EFTUD2: variants seen among roughly 807,000 people sequenced by gnomAD.
The protein encoded by EFTUD2 is elongation factor Tu GTP binding domain containing 2, also known as 116 kDa U5 small nuclear ribonucleoprotein component.
Under a neutral mutation model 114.3 loss-of-function variants are expected in EFTUD2, and 9 were observed. The observed-to-expected ratio is 0.08, with a 90% CI of 0.05 to 0.14. The LOEUF (loss-of-function observed/expected upper bound fraction) is 0.14, where lower values mean the gene tolerates loss of function less well. Ranked by LOEUF, EFTUD2 falls within the 10% of genes least tolerant of loss-of-function variation. EFTUD2 has a pLI of 1.00. For synonymous variants in EFTUD2, 449 were observed against 462.3 expected (o/e 0.97, Z 0.37); for missense variants, 765 against 1,241.2 (o/e 0.62, Z 5.76).
At chr17:44,872,340 T>C in intron 11 of EFTUD2, 106 bp downstream of exon 11, 1 of 1,448,728 alleles carries the variant, frequency 6.9e-7, no homozygotes, top group Non-Finnish European at 9.5e-7. Context: ...GATAAAATGT[T>C]CCCCCAGCAG....
chr17:44,897,552 G>A (rs2051412607), intron 1 of EFTUD2, among the ~76,000 whole-genome samples: 1 of 152,060 alleles, frequency 6.6e-6, no homozygotes, highest in Admixed American at 6.6e-5. Context: ...AGCTAAGAAT[G>A]CATTTTACAT....
In EFTUD2 at chr17:44,894,136, G is replaced by A. The variant is rs558589199; in HGVS notation, c.105+281C>T. On this transcript the variant is annotated intron_variant, in intron 2 of 27. Coordinates refer to ENST00000426333, the MANE Select transcript of EFTUD2 (RefSeq NM_004247.4). ...CATGCCTGTAATCCTAGCAGTTTGGGAGGCCAAGGCAGGTGGACTGCTCGA... is the reference window on the plus strand; with the variant it reads ...CATGCCTGTAATCCTAGCAGTTTGGAAGGCCAAGGCAGGTGGACTGCTCGA... 12 of 313,174 alleles carry A rather than the reference G, an allele frequency of 3.8e-5. No homozygotes were observed. The South Asian group carries it at 5.5e-4, about 14-fold the overall frequency. The allele number at this position is 313,174 out of a possible 1,614,324, so 19.4% of individuals were successfully genotyped here. A position where few individuals can be genotyped will look rare whatever the true frequency, so the allele number is the denominator to read the frequency against.
At chr17:44,853,197 G>A in intron 25 of EFTUD2, 99 bp downstream of exon 25, 3 of 1,252,460 alleles carry the variant, frequency 2.4e-6, no homozygotes, top group Non-Finnish European at 2.3e-6. Flanking sequence ...AGAGAGAGGA[G>A]GGTAGAGAAG....
rs1280081797 is a variant in EFTUD2, at chr17:44,880,598, T to C, written c.575A>G (p.Asp192Gly). The C allele has an allele frequency of 3.1e-6, 5 of 1,613,740 alleles. No individual in the cohort carries two copies. The highest frequency in any genetic ancestry group is 4.2e-6 in the Non-Finnish European group (5 of 1,179,774). ...KSTPVTVVLP[D>G]TKGKSYLFNI... Reference sequence around the variant, plus strand: ...GAAGAGATAAGATTTTCCTTTGGTGTCTGGCAAGACCACTGTCACAGGAGT... The same window carrying C: ...GAAGAGATAAGATTTTCCTTTGGTGCCTGGCAAGACCACTGTCACAGGAGT... The change falls in exon 8 of 28, where the codon GAC becomes GGC. Residue 192 changes from aspartate (D) to glycine (G), a missense_variant. Transcript: ENST00000426333.
intron 2 of EFTUD2, among the ~76,000 whole-genome samples, chr17:44,888,434 G>C (rs775004044): frequency 6.6e-6 from 1 of 152,154 alleles, no homozygotes. Flanking sequence ...CAGGGGTTTG[G>C]AGCAGAGAAG....
intron 9 of EFTUD2, among the ~76,000 whole-genome samples, chr17:44,878,704 G>A (rs999865771): frequency 6.6e-6 from 1 of 152,310 alleles, no homozygotes; most frequent in African/African-American, 2.4e-5. Flanking sequence ...AACGTGTACA[G>A]AGAGAGAATT....
intron 13 of EFTUD2, among the ~76,000 whole-genome samples, chr17:44,867,361 G>A (rs1487785435): frequency 6.8e-6 from 1 of 147,316 alleles, no homozygotes; most frequent in Non-Finnish European, 1.5e-5. Context: ...GTGCAGTGGT[G>A]CAATCTCGGC....
chr17:44,864,755 T>C (rs1167852952), intron 14 of EFTUD2, among the ~76,000 whole-genome samples, 175 bp downstream of exon 14: 1 of 152,220 alleles, frequency 6.6e-6, no homozygotes, highest in African/African-American at 2.4e-5. Flanking sequence ...ATGTGTGCCA[T>C]CATCCACTAA....
intron 11 of EFTUD2, among the ~76,000 whole-genome samples, chr17:44,869,134 GT>G (rs912602223): frequency 6.6e-6 from 1 of 152,096 alleles, no homozygotes; most frequent in African/African-American, 2.4e-5. Flanking sequence ...CATCAGTAAG[GT>G]TACCACCAAA....
Position 44,851,815 on chromosome 17 carries a change from A to G in EFTUD2, c.2718T>C (p.Ile906=). The change falls in exon 27 of 28, where the codon ATT becomes ATC. Residue 906 remains isoleucine (I), a splice_region_variant and synonymous_variant. Coordinates refer to ENST00000426333, the MANE Select transcript of EFTUD2 (RefSeq NM_004247.4). ...TCTTGTCCAGGGGATCACCAGGCAC[A>G]ATCTAAAAGGCAAAGGAATTTCAGA... ...FSLSVFHHWQ[I]VPGDPLDKSI... The G allele has an allele frequency of 6.2e-7, 1 of 1,608,064 alleles. No individual in the cohort carries two copies. Among genetic ancestry groups the G allele is most frequent in the East Asian group, 2.2e-5 (1 of 44,602 alleles).
At position 44,850,233 on chromosome 17, in the gene EFTUD2, C is replaced by T. The variant is rs2050416746; in HGVS notation, c.*1041G>A. On this transcript the variant is annotated 3_prime_UTR_variant, in exon 28 of 28. Coordinates refer to ENST00000426333, the MANE Select transcript of EFTUD2 (RefSeq NM_004247.4). ...AAAGATGAGCGGGAAGCTGGACTCTCAAGGGAGCAGCTAGAGGTGAACCCC... is the reference window on the plus strand; with the variant it reads ...AAAGATGAGCGGGAAGCTGGACTCTTAAGGGAGCAGCTAGAGGTGAACCCC... 2 of 876,124 alleles carry T rather than the reference C, an allele frequency of 2.3e-6. No homozygotes were observed. The highest frequency in any genetic ancestry group is 3.6e-6 in the Non-Finnish European group (2 of 556,690). The allele number at this position is 876,124 out of a possible 1,614,324, so 54.3% of individuals were successfully genotyped here.
chr17:44,860,072 G>C, intron 17 of EFTUD2, 27 bp from the exon 18 acceptor site: 1 of 1,614,186 alleles, frequency 6.2e-7, no homozygotes, highest in Non-Finnish European at 8.5e-7. Flanking sequence ...AAAGGACTGA[G>C]GGCAACTGGC....
At chr17:44,870,139 A>C (rs866231517) in intron 11 of EFTUD2, among the ~76,000 whole-genome samples, 1 of 152,202 alleles carries the variant, frequency 6.6e-6, no homozygotes, top group Non-Finnish European at 1.5e-5. Flanking sequence ...TTCCATGATA[A>C]CGCTGCTGCA....
In EFTUD2 at chr17:44,853,512, C is replaced by T. The variant is rs2050493001; in HGVS notation, c.2466+5G>A. On this transcript the variant is annotated splice_donor_5th_base_variant and intron_variant, in intron 24 of 27. Coordinates refer to ENST00000426333, the MANE Select transcript of EFTUD2 (RefSeq NM_004247.4). ...AGATGGTCCCCTACCGCCCCATTCTCTTACCATGAGGAAGGCAGAGTAGAC... is the reference window on the plus strand; with the variant it reads ...AGATGGTCCCCTACCGCCCCATTCTTTTACCATGAGGAAGGCAGAGTAGAC... 1.2e-6 allele frequency: 2 copies of T among 1,614,050 alleles called. No homozygotes were observed. Among genetic ancestry groups the T allele is most frequent in the South Asian group, 1.1e-5 (1 of 91,088 alleles).
At chr17:44,857,992 G>A (rs1172032932) in intron 19 of EFTUD2, among the ~76,000 whole-genome samples, 4 of 146,644 alleles carry the variant, frequency 2.7e-5, no homozygotes, top group Non-Finnish European at 5.9e-5. Context: ...TGCGATCTTG[G>A]CTCACTGCAA....
chr17:44,867,961 C>T (rs548538535), intron 12 of EFTUD2, 64 bp from the exon 13 acceptor site: 1 of 1,451,134 alleles, frequency 6.9e-7, no homozygotes, highest in Non-Finnish European at 9.3e-7. Context: ...TCCCAAGAGG[C>T]ATTGTCTAAG....
At chr17:44,874,077 T>C (rs2050904921) in intron 10 of EFTUD2, among the ~76,000 whole-genome samples, 1 of 147,012 alleles carries the variant, frequency 6.8e-6, no homozygotes, top group African/African-American at 2.5e-5. Context: ...GATCTCACTC[T>C]GTCACCCACA....
intron 23 of EFTUD2, chr17:44,853,940 A>G: frequency 7.4e-7 from 1 of 1,360,262 alleles, no homozygotes. Context: ...CCAGAATTGT[A>G]CATTTGGTCC....
chr17:44,874,418 C>T (rs1452542712), intron 10 of EFTUD2, among the ~76,000 whole-genome samples: 1 of 152,098 alleles, frequency 6.6e-6, no homozygotes, highest in Non-Finnish European at 1.5e-5. Flanking sequence ...CATTCTCAGT[C>T]CTTGCAGAGA....
Sources: allele counts gnomAD v4.1 joint callset (sites outside exome capture counted in the v4.1 genomes callset), GRCh38; gene constraint gnomAD v4.1.1; transcripts MANE v1.5; gene names NCBI Gene and HGNC (gene_info 2026-07-23, HGNC 2026-07-21).